The following YEATS2 variants were observed in gnomAD, a reference collection of about 807,000 sequenced individuals.
YEATS2 encodes YEATS domain-containing protein 2.
In YEATS2, 77 loss-of-function variants were observed where a neutral mutation model predicts 163.2. The ratio of observed to expected loss-of-function variants is 0.47; its 90% CI spans 0.39 to 0.57. The LOEUF (loss-of-function observed/expected upper bound fraction) is 0.57. Ranked by LOEUF, YEATS2 falls within the 20% of genes least tolerant of loss-of-function variation. The pLI is 0.00. For synonymous variants in YEATS2, 631 were observed against 645.1 expected (o/e 0.98, Z 0.33); for missense variants, 1,549 against 1,729.8 (o/e 0.90, Z 1.85).
chr3:183,784,228 G>A (rs554691226), intron 19 of YEATS2, among the ~76,000 whole-genome samples: 43 of 152,242 alleles, frequency 2.8e-4, no homozygotes, highest in African/African-American at 8.7e-4. Flanking sequence ...TGCCTTCCAC[G>A]GTGGCTGACC....
chr3:183,713,041 G>A (rs146823852), intron 1 of YEATS2, among the ~76,000 whole-genome samples: 4 of 152,204 alleles, frequency 2.6e-5, no homozygotes, highest in African/African-American at 4.8e-5. Flanking sequence ...GATTACAGGC[G>A]TGAGCCACCT....
At chr3:183,809,205 T>A in intron 30 of YEATS2, 35 bp downstream of exon 30, 1 of 1,590,534 alleles carries the variant, frequency 6.3e-7, no homozygotes, top group South Asian at 1.1e-5. Flanking sequence ...GTGTGAGGCT[T>A]ACACCTCTTT....
chr3:183,772,779 C>CACACACA (rs555324921), intron 16 of YEATS2, among the ~76,000 whole-genome samples: 66 of 147,376 alleles, frequency 4.5e-4, no homozygotes, highest in African/African-American at 7.7e-4. Context: ...ACACACACAC[C>CACACACA]CACATACACA....
intron 1 of YEATS2, among the ~76,000 whole-genome samples, chr3:183,705,093 G>A (rs1714488314): frequency 1.3e-5 from 2 of 152,164 alleles, no homozygotes; most frequent in South Asian, 4.2e-4. Flanking sequence ...TGTCACCCAG[G>A]CTGGAGGTGC....
At chr3:183,749,738 A>G (rs1407871634) in intron 9 of YEATS2, among the ~76,000 whole-genome samples, 3 of 152,032 alleles carry the variant, frequency 2.0e-5, no homozygotes, top group Non-Finnish European at 4.4e-5. Context: ...GGCTCAAGTA[A>G]TCTGTCCTTA....
At chr3:183,771,546 T>G (rs1472640596) in intron 15 of YEATS2, among the ~76,000 whole-genome samples, 1 of 134,224 alleles carries the variant, frequency 7.5e-6, no homozygotes, top group Non-Finnish European at 1.6e-5. Flanking sequence ...TTCTTGCCTT[T>G]TTTTTTTTTT....
At chr3:183,775,843 C>T in intron 17 of YEATS2, 72 bp from the exon 18 acceptor site, 5 of 1,600,778 alleles carry the variant, frequency 3.1e-6, no homozygotes, top group Non-Finnish European at 4.3e-6. Context: ...TCTCTCTGGG[C>T]TCATTTGTTT....
At chr3:183,775,871 C>G in intron 17 of YEATS2, 44 bp from the exon 18 acceptor site, 1 of 1,609,696 alleles carries the variant, frequency 6.2e-7, no homozygotes, top group Non-Finnish European at 8.5e-7. Flanking sequence ...TAAAGCTTTG[C>G]TTGATACTTT....
intron 1 of YEATS2, among the ~76,000 whole-genome samples, chr3:183,707,748 A>G (rs937746433): frequency 2.0e-5 from 3 of 148,166 alleles, no homozygotes; most frequent in African/African-American, 7.6e-5. Context: ...CAGTGGCGCA[A>G]TCTCGGATCA....
At position 183,736,935 on chromosome 3, in the gene YEATS2, C is replaced by G. The variant is rs991676624; in HGVS notation, c.924+106C>G. ...AAGGACCCCCTCGCATTAAAAAATT[C>G]ACATACAACTTTCGACTCCCCCAAA... On this transcript the variant is annotated intron_variant, in intron 8 of 30. Coordinates refer to ENST00000305135, the MANE Select transcript of YEATS2 (RefSeq NM_018023.5). 1.1e-5 allele frequency: 11 copies of G among 974,376 alleles called. No homozygotes were observed. The African/African-American group carries it at 1.8e-4, about 16-fold the overall frequency. 60.4% of individuals were successfully genotyped at this position (974,376 alleles called of 1,614,324 possible).
chr3:183,772,778 C>CATA, intron 16 of YEATS2, among the ~76,000 whole-genome samples: 1 of 150,436 alleles, frequency 6.6e-6, no homozygotes, highest in African/African-American at 2.5e-5. Flanking sequence ...CACACACACA[C>CATA]CCACATACAC....
chr3:183,794,776 A>G (rs1724979842), intron 21 of YEATS2, among the ~76,000 whole-genome samples: 1 of 152,156 alleles, frequency 6.6e-6, no homozygotes, highest in South Asian at 2.1e-4. Context: ...GAAAGGGTAT[A>G]TAAGTGCCGT....
chr3:183,799,276 A>G (rs1004205183), intron 23 of YEATS2, among the ~76,000 whole-genome samples: 1 of 152,268 alleles, frequency 6.6e-6, no homozygotes, highest in South Asian at 2.1e-4. Flanking sequence ...AATCATTGAT[A>G]AACACAAGAC....
intron 20 of YEATS2, among the ~76,000 whole-genome samples, chr3:183,788,186 A>G (rs897356183): frequency 6.6e-6 from 1 of 151,932 alleles, no homozygotes; most frequent in African/African-American, 2.4e-5. Context: ...TGTAAAATAT[A>G]TAAGAAATTA....
At chr3:183,794,483 G>A (rs1371012323) in intron 21 of YEATS2, among the ~76,000 whole-genome samples, 1 of 152,242 alleles carries the variant, frequency 6.6e-6, no homozygotes, top group Non-Finnish European at 1.5e-5. Flanking sequence ...TCATTACAGA[G>A]TGAGGGTAGA....
intron 1 of YEATS2, among the ~76,000 whole-genome samples, chr3:183,703,706 A>T (rs147624369): frequency 6.6e-6 from 1 of 152,174 alleles, no homozygotes; most frequent in African/African-American, 2.4e-5. Context: ...TTTTCTCAGT[A>T]TAATATTAAA....
At chr3:183,704,040 A>T (rs1185677311) in intron 1 of YEATS2, among the ~76,000 whole-genome samples, 1 of 151,900 alleles carries the variant, frequency 6.6e-6, no homozygotes, top group Non-Finnish European at 1.5e-5. Context: ...AGTCCCAGCT[A>T]CTTAGGAGGC....
chr3:183,700,081 CTGTT>C (rs1464453034), intron 1 of YEATS2, among the ~76,000 whole-genome samples: 1 of 152,052 alleles, frequency 6.6e-6, no homozygotes, highest in Non-Finnish European at 1.5e-5. Context: ...CATTTATTGG[CTGTT>C]TGTGAATTTC....
chr3:183,728,575 T>C, intron 6 of YEATS2, 115 bp from the exon 7 acceptor site: 1 of 955,624 alleles, frequency 1.0e-6, no homozygotes. Flanking sequence ...GGTGATGTAG[T>C]TGTTAAATAT....
Sources: gnomAD v4.1 joint callset for allele counts (sites outside exome capture counted in the v4.1 genomes callset) on GRCh38, gnomAD v4.1.1 for gene constraint, MANE v1.5 for transcripts, NCBI Gene and HGNC (gene_info 2026-07-23, HGNC 2026-07-21) for gene names.